The following CDHR1 variants were observed in gnomAD, a reference collection of about 807,000 sequenced individuals.
CDHR1 encodes the protein cadherin related family member 1.
Under a neutral mutation model 72.1 loss-of-function variants are expected in CDHR1, and 61 were observed. The ratio of observed to expected loss-of-function variants is 0.85; its 90% CI spans 0.69 to 1.05. The LOEUF (loss-of-function observed/expected upper bound fraction) is 1.05, where lower values mean the gene tolerates loss of function less well. Among genes scored for constraint, CDHR1 ranks in the 50% least tolerant of loss-of-function variants. The pLI, the probability that CDHR1 is intolerant of heterozygous loss-of-function variation, is 0.00. For missense variants in CDHR1, 1,186 were observed against 1,115.7 expected (o/e 1.06, Z -0.90); for synonymous variants, 470 against 448.1 (o/e 1.05, Z -0.62).
chr10:84,207,384 A>G (rs1589302799), intron 10 of CDHR1, among the ~76,000 whole-genome samples: 1 of 150,250 alleles, frequency 6.7e-6, no homozygotes, highest in Middle Eastern at 3.4e-3. Context: ...TAGCAGTGCC[A>G]CATACAGTGT....
chr10:84,219,483 T>A (rs1842476536), downstream of CDHR1: 7 of 725,146 alleles, frequency 9.7e-6, no homozygotes, highest in Non-Finnish European at 1.4e-5. Context: ...GGCTTGAAGG[T>A]CTGAACATCC....
chr10:84,218,678 C>T lies in CDHR1; in HGVS notation c.*4057C>T, dbSNP rs575199969. Reference sequence around the variant, plus strand: ...CTAAACTCTAAATAAATAAGCTTCTCAAGGGCATGACAACTATATCGGAAA... The same window carrying T: ...CTAAACTCTAAATAAATAAGCTTCTTAAGGGCATGACAACTATATCGGAAA... On this transcript the variant is annotated 3_prime_UTR_variant, in exon 17 of 17. Coordinates refer to ENST00000623527, the MANE Select transcript of CDHR1 (RefSeq NM_033100.4). The T allele has an allele frequency of 2.0e-6, 2 of 987,182 alleles. No homozygotes were observed. The highest frequency in any genetic ancestry group is 4.7e-5 in the South Asian group (1 of 21,306). The allele number at this position is 987,182 out of a possible 1,614,324, so 61.2% of individuals were successfully genotyped here.
chr10:84,208,069 A>G, intron 10 of CDHR1, 105 bp from the exon 11 acceptor site: 2 of 1,012,248 alleles, frequency 2.0e-6, no homozygotes, highest in Non-Finnish European at 3.1e-6. Flanking sequence ...CTAAGCCAGG[A>G]CACACTCAAA....
At chr10:84,197,105 G>T (rs1053199647) in intron 3 of CDHR1, among the ~76,000 whole-genome samples, 10 of 152,166 alleles carry the variant, frequency 6.6e-5, no homozygotes, top group Non-Finnish European at 1.3e-4. Context: ...AGGCAACAGG[G>T]CATGGGCTTT....
chr10:84,212,218 G>A lies in CDHR1; in HGVS notation c.1593G>A (p.Gln531=), dbSNP rs748614271. The A allele has an allele frequency of 1.7e-5, 27 of 1,614,240 alleles. 1 individual carries two copies. The Admixed American group carries it at 4.0e-4, about 24-fold the overall frequency. Reference sequence around the variant, plus strand: ...CATCCACTGGGCTTATCTACACCCAGCCCTGGGCTAGCCTGGACGCTGAGG... The same window carrying A: ...CATCCACTGGGCTTATCTACACCCAACCCTGGGCTAGCCTGGACGCTGAGG... ...IHPSTGLIYT[Q]PWASLDAEAT... is the part of the protein sequence containing the mutation. Residue 531 remains glutamine, a synonymous_variant, in exon 15 of 17, where the codon CAG becomes CAA. Transcript: ENST00000623527.
In CDHR1 at chr10:84,215,701, G is replaced by T; in HGVS notation, c.*1080G>T. 1 of 985,430 alleles carries T rather than the reference G, an allele frequency of 1.0e-6. No homozygotes were observed. Among genetic ancestry groups the T allele is most frequent in the Non-Finnish European group, 1.2e-6 (1 of 829,934 alleles). 61.0% of individuals were successfully genotyped at this position (985,430 alleles called of 1,614,324 possible). A position where few individuals can be genotyped will look rare whatever the true frequency, so the allele number is the denominator to read the frequency against. ...CGGCATGAATGCAAAGTATTTTTCTGCAGCCCAGTTCTGTGGGTGCAGCTC... is the reference window on the plus strand; with the variant it reads ...CGGCATGAATGCAAAGTATTTTTCTTCAGCCCAGTTCTGTGGGTGCAGCTC... On this transcript the variant is annotated 3_prime_UTR_variant, in exon 17 of 17. Transcript: ENST00000623527.
Position 84,211,164 on chromosome 10 carries a change from C to T in CDHR1, c.1484C>T (p.Thr495Ile). The T allele has an allele frequency of 1.2e-6, 2 of 1,614,208 alleles. No individual in the cohort carries two copies. The highest frequency in any genetic ancestry group is 1.7e-6 in the Non-Finnish European group (2 of 1,180,026). The change falls in exon 13 of 17, where the codon ACA becomes ATA. Residue 495 changes from threonine to isoleucine, a missense_variant and splice_region_variant. Physicochemically the swap from Thr to Ile is moderately conservative, Grantham distance 89. Coordinates refer to ENST00000623527, the MANE Select transcript of CDHR1 (RefSeq NM_033100.4). ...GGGGGCTCCAGCGTGGTGGCTGTCA[C>T]AGTGGGTTGGGCACTGGCCCAGGGA... is the stretch of plus-strand genomic sequence containing the variant. Reference protein sequence around the residue: ...APGGSSVVAVTAVDPDTGPWG... With the variant: ...APGGSSVVAVIAVDPDTGPWG...
At chr10:84,202,930 C>T (rs777666801) in intron 7 of CDHR1, 50 bp from the exon 8 acceptor site, 2 of 1,612,206 alleles carry the variant, frequency 1.2e-6, no homozygotes. Flanking sequence ...CTGTCCAATT[C>T]CACATCTCAA....
At position 84,210,982 on chromosome 10, in the gene CDHR1, C is replaced by T; in HGVS notation, c.1321-19C>T. Reference sequence around the variant, plus strand: ...ATGAGTGCCTACCCAGACAAGTCCCCATTTTCCCCCCTTCCCAGCTCCTGG... The same window carrying T: ...ATGAGTGCCTACCCAGACAAGTCCCTATTTTCCCCCCTTCCCAGCTCCTGG... On this transcript the variant is annotated intron_variant, in intron 12 of 16. Coordinates refer to ENST00000623527, the MANE Select transcript of CDHR1 (RefSeq NM_033100.4). 1.2e-6 allele frequency: 2 copies of T among 1,614,158 alleles called. No individual in the cohort carries two copies. Among genetic ancestry groups the T allele is most frequent in the East Asian group, 4.5e-5 (2 of 44,886 alleles).
chr10:84,204,967 A>G (rs1397813403), intron 9 of CDHR1, among the ~76,000 whole-genome samples: 1 of 152,218 alleles, frequency 6.6e-6, no homozygotes, highest in Non-Finnish European at 1.5e-5. Flanking sequence ...ATCCCACAGC[A>G]TATAGATGAA....
At chr10:84,211,191 T>A in intron 13 of CDHR1, 26 bp downstream of exon 13, 1 of 1,613,354 alleles carries the variant, frequency 6.2e-7, no homozygotes, top group African/African-American at 1.3e-5. Context: ...GCCCAGGGAC[T>A]GGGTGGGATA....
chr10:84,214,735 A>C lies in CDHR1; in HGVS notation c.*114A>C. The stretch of plus-strand genomic sequence containing the variant: ...AGGTCACTGACCCCTGTTTTGCACA[A>C]TGGTATAATCCCCACTGTCCTCATC... On this transcript the variant is annotated 3_prime_UTR_variant, in exon 17 of 17. Transcript: ENST00000623527. 1 of 1,566,936 alleles carries C rather than the reference A, an allele frequency of 6.4e-7. No homozygotes were observed. Among genetic ancestry groups the C allele is most frequent in the African/African-American group, 1.4e-5 (1 of 73,762 alleles).
In CDHR1 at chr10:84,195,511, C is replaced by G. The variant is rs777274139; in HGVS notation, c.73C>G (p.Pro25Ala). ...TTTTCCAGCTCAGGCCAACTTCGCC[C>G]CGCACTTCTTCGACAACGGGGTCGG... ...RLCLAQANFA[P>A]HFFDNGVGST... The change falls in exon 2 of 17, where the codon CCG (proline) becomes GCG (alanine). Residue 25 changes from proline to alanine, a missense_variant. Physicochemically the swap from Pro to Ala is conservative, Grantham distance 27. Coordinates refer to ENST00000623527, the MANE Select transcript of CDHR1 (RefSeq NM_033100.4). The G allele has an allele frequency of 6.2e-7, 1 of 1,614,116 alleles. No homozygotes were observed. The highest frequency in any genetic ancestry group is 1.1e-5 in the South Asian group (1 of 91,064).
chr10:84,211,706 G>C lies in CDHR1; in HGVS notation c.1544G>C (p.Gly515Ala). Residue 515 changes from glycine (G) to alanine (A), a missense_variant, in exon 14 of 17, where the codon GGG (glycine) becomes GCG (alanine). Transcript: ENST00000623527. ...GTGAAATATTCCACCTATGGGACTGGGGCAGACCTGTAAGTAGATCCAGAA... is the reference window on the plus strand; with the variant it reads ...GTGAAATATTCCACCTATGGGACTGCGGCAGACCTGTAAGTAGATCCAGAA... ...GEVKYSTYGT[G>A]ADLFLIHPST... The C allele has an allele frequency of 6.2e-7, 1 of 1,613,840 alleles. No individual in the cohort carries two copies. The highest frequency in any genetic ancestry group is 8.5e-7 in the Non-Finnish European group (1 of 1,179,696).
intron 2 of CDHR1, among the ~76,000 whole-genome samples, chr10:84,196,254 AC>A (rs1337033523): frequency 6.6e-6 from 1 of 152,146 alleles, no homozygotes; most frequent in Non-Finnish European, 1.5e-5. Context: ...CTGCTCTGTA[AC>A]CCGTGTTATA....
rs1343025547 is a variant in CDHR1, at chr10:84,203,096, T to C, written c.756T>C (p.Tyr252=). Residue 252 remains tyrosine, a synonymous_variant, in exon 8 of 17, where the codon TAT becomes TAC. Transcript: ENST00000623527. ...MAPVFVGTPY[Y]GYVYEDTLPG... ...CTGTCTTCGTGGGCACACCCTACTA[T>C]GGCTATGTGTACGAGGACACCCTTC... The C allele has an allele frequency of 1.2e-5, 20 of 1,614,090 alleles. No homozygotes were observed. The East Asian group carries it at 4.0e-4, about 32-fold the overall frequency.
chr10:84,214,472 G>A lies in CDHR1; in HGVS notation c.2431G>A (p.Val811Met), dbSNP rs764500651. ...APSTGAAQWT[V>M]PTVSGSLTPQ... Reference sequence around the variant, plus strand: ...CAGCACTGGCGCAGCCCAGTGGACCGTGCCTACTGTCTCTGGCTCTCTCAC... The same window carrying A: ...CAGCACTGGCGCAGCCCAGTGGACCATGCCTACTGTCTCTGGCTCTCTCAC... Residue 811 changes from valine to methionine, a missense_variant, in exon 17 of 17, where the codon GTG becomes ATG. Coordinates refer to ENST00000623527, the MANE Select transcript of CDHR1 (RefSeq NM_033100.4). The A allele has an allele frequency of 5.6e-6, 9 of 1,610,288 alleles. No homozygotes were observed. The highest frequency in any genetic ancestry group is 7.6e-6 in the Non-Finnish European group (9 of 1,179,664).
At chr10:84,208,479 G>A in intron 11 of CDHR1, 102 bp downstream of exon 11, 1 of 1,265,844 alleles carries the variant, frequency 7.9e-7, no homozygotes, top group South Asian at 1.3e-5. Flanking sequence ...TATGTAGCCG[G>A]GACCAGGTGG....
chr10:84,204,727 G>A, intron 9 of CDHR1, 122 bp downstream of exon 9: 1 of 730,326 alleles, frequency 1.4e-6, no homozygotes, highest in South Asian at 1.5e-5. Context: ...GATGTATGGA[G>A]AGGAAGGGCT....
Sources: gnomAD v4.1 joint callset for allele counts (sites outside exome capture counted in the v4.1 genomes callset) on GRCh38, gnomAD v4.1.1 for gene constraint, MANE v1.5 for transcripts, NCBI Gene and HGNC (gene_info 2026-07-23, HGNC 2026-07-21) for gene names.